RAB8B: variants seen among roughly 807,000 people sequenced by gnomAD.
RAB8B encodes ras-related protein Rab-8B.
RAB8B carries 11 observed loss-of-function variants against 32.0 expected under a neutral mutation model. The observed-to-expected ratio is 0.34, with a 90% CI of 0.22 to 0.57. The LOEUF (loss-of-function observed/expected upper bound fraction) is 0.57. Among genes scored for constraint, RAB8B ranks in the 20% least tolerant of loss-of-function variants. RAB8B has a pLI of 0.86. For synonymous variants in RAB8B, 103 were observed against 89.6 expected, an observed-to-expected ratio of 1.15 and a Z score of -0.85; for missense variants, 190 against 258.5, an observed-to-expected ratio of 0.73 and a Z score of 1.82.
intron 1 of RAB8B, among the ~76,000 whole-genome samples, chr15:63,233,678 A>G (rs1396193720): frequency 6.6e-6 from 1 of 152,258 alleles, no homozygotes; most frequent in African/African-American, 2.4e-5. Flanking sequence ...AGTAGACTTC[A>G]ATATTTGGGA....
chr15:63,206,685 C>G (rs1439861228), intron 1 of RAB8B, among the ~76,000 whole-genome samples: 3 of 152,098 alleles, frequency 2.0e-5, no homozygotes, highest in Non-Finnish European at 4.4e-5. Context: ...TTCTGCTCTA[C>G]TTTCAACCCT....
chr15:63,218,306 G>A (rs1356878857), intron 1 of RAB8B, among the ~76,000 whole-genome samples: 1 of 152,178 alleles, frequency 6.6e-6, no homozygotes, highest in Non-Finnish European at 1.5e-5. Flanking sequence ...ATAGTGATAA[G>A]GAATATTCAG....
chr15:63,196,717 T>C (rs1344042650), intron 1 of RAB8B, among the ~76,000 whole-genome samples: 1 of 152,228 alleles, frequency 6.6e-6, no homozygotes, highest in Admixed American at 6.5e-5. Flanking sequence ...GATTAGATGA[T>C]ATTTGAGTTA....
At chr15:63,245,441 A>C (rs937768087) in intron 2 of RAB8B, among the ~76,000 whole-genome samples, 5 of 152,268 alleles carry the variant, frequency 3.3e-5, no homozygotes, top group African/African-American at 1.2e-4. Flanking sequence ...TACATAGCAC[A>C]GTACTTCTGA....
At chr15:63,207,786 G>A (rs957639728) in intron 1 of RAB8B, among the ~76,000 whole-genome samples, 4 of 152,048 alleles carry the variant, frequency 2.6e-5, no homozygotes, top group African/African-American at 7.2e-5. Flanking sequence ...GGATGGTCTC[G>A]ATCTCCTGAC....
chr15:63,212,113 A>G (rs2037752735), intron 1 of RAB8B, among the ~76,000 whole-genome samples: 1 of 152,186 alleles, frequency 6.6e-6, no homozygotes, highest in African/African-American at 2.4e-5. Flanking sequence ...GATTACAGTC[A>G]TGAGCCACAG....
intron 2 of RAB8B, among the ~76,000 whole-genome samples, chr15:63,247,823 G>T (rs930102071): frequency 5.3e-5 from 8 of 152,170 alleles, no homozygotes; most frequent in Admixed American, 3.9e-4. Context: ...AGGTCCACTC[G>T]AGGGCATATG....
intron 2 of RAB8B, among the ~76,000 whole-genome samples, chr15:63,246,238 C>T (rs2038071243): frequency 1.3e-5 from 2 of 152,122 alleles, no homozygotes; most frequent in African/African-American, 4.8e-5. Context: ...CACGTGAGCT[C>T]AGTTGTGTAA....
chr15:63,216,918 G>A (rs2037797431), intron 1 of RAB8B, among the ~76,000 whole-genome samples: 2 of 151,068 alleles, frequency 1.3e-5, no homozygotes, highest in Non-Finnish European at 1.5e-5. Context: ...TAGTCATAAA[G>A]TGGTATCAGT....
chr15:63,228,656 T>C (rs991165283), intron 1 of RAB8B, among the ~76,000 whole-genome samples: 5 of 152,232 alleles, frequency 3.3e-5, no homozygotes, highest in African/African-American at 9.6e-5. Context: ...TGGTGGATAA[T>C]GATTGCAGTC....
rs1012502599 is a variant in RAB8B, at chr15:63,248,630, C to A, written c.186-1015C>A. ...CTGCAGAACTTGGATGCTGGTAACA[C>A]CCCCAGCCAGTAGCCCACCCTAATG... is the stretch of plus-strand genomic sequence containing the variant. On this transcript the variant is annotated intron_variant, in intron 2 of 7. Transcript: ENST00000321437. The surrounding 1 kb of genome is among the most constrained non-coding windows in gnomAD (Gnocchi z 4.4). 6.6e-6 allele frequency among the ~76,000 whole-genome samples: 1 copy of A among 152,192 alleles called. No individual in the cohort carries two copies. The highest frequency in any genetic ancestry group is 1.5e-5 in the Non-Finnish European group (1 of 68,038).
At chr15:63,246,730 A>T (rs1382661086) in intron 2 of RAB8B, among the ~76,000 whole-genome samples, 2 of 152,100 alleles carry the variant, frequency 1.3e-5, no homozygotes, top group African/African-American at 4.8e-5. Flanking sequence ...GATTAAGTCA[A>T]CCTTTAGCCC....
intron 1 of RAB8B, among the ~76,000 whole-genome samples, chr15:63,213,150 A>G (rs2037761693): frequency 6.6e-6 from 1 of 152,184 alleles, no homozygotes; most frequent in Admixed American, 6.5e-5. Context: ...TTCAGCTTGT[A>G]CACAGATTAA....
At chr15:63,197,175 A>G (rs1490651464) in intron 1 of RAB8B, among the ~76,000 whole-genome samples, 1 of 151,600 alleles carries the variant, frequency 6.6e-6, no homozygotes, top group Non-Finnish European at 1.5e-5. Context: ...ATTTATATAA[A>G]TATTTTTATA....
intron 3 of RAB8B, among the ~76,000 whole-genome samples, chr15:63,250,682 C>G (rs374283211): frequency 1.3e-5 from 2 of 151,630 alleles, no homozygotes; most frequent in Non-Finnish European, 2.9e-5. Flanking sequence ...CTGTGCTTAA[C>G]CATGCTTAGA....
intron 6 of RAB8B, among the ~76,000 whole-genome samples, chr15:63,261,518 TA>T (rs924284696): frequency 3.3e-5 from 5 of 152,018 alleles, no homozygotes; most frequent in South Asian, 2.1e-4. Context: ...TATTCAGCCA[TA>T]AAAAAAGAGT....
At chr15:63,230,092 T>A (rs1023651326) in intron 1 of RAB8B, among the ~76,000 whole-genome samples, 1 of 152,160 alleles carries the variant, frequency 6.6e-6, no homozygotes, top group African/African-American at 2.4e-5. Flanking sequence ...CCTGCATTAC[T>A]CTGTTGGTTG....
At chr15:63,221,873 T>C (rs551467896) in intron 1 of RAB8B, among the ~76,000 whole-genome samples, 3 of 152,366 alleles carry the variant, frequency 2.0e-5, no homozygotes, top group Admixed American at 2.0e-4. Flanking sequence ...CTACTTGATG[T>C]TTGTGGAGGC....
rs536503806 is a variant in RAB8B at position 63,194,936 on chromosome 15, A to G, written c.124+5188A>G. On this transcript the variant is annotated intron_variant, in intron 1 of 7. Coordinates refer to ENST00000321437, the MANE Select transcript of RAB8B (RefSeq NM_016530.3). ...TTTGCTGACCGTTACTTAAAATTAAAAACTATTTTTGGTTGGTAGCATTTC... is the reference window on the plus strand; with the variant it reads ...TTTGCTGACCGTTACTTAAAATTAAGAACTATTTTTGGTTGGTAGCATTTC... Among the ~76,000 whole-genome samples, 6 of 152,366 alleles carry G rather than the reference A, an allele frequency of 3.9e-5. No homozygotes were observed. In the South Asian group the frequency reaches 1.2e-3, roughly 32 times the overall value.
Sources: allele counts gnomAD v4.1 joint callset (sites outside exome capture counted in the v4.1 genomes callset), GRCh38; gene constraint gnomAD v4.1.1; non-coding constraint Gnocchi (gnomAD v3.1); transcripts MANE v1.5; gene names NCBI Gene and HGNC (gene_info 2026-07-23, HGNC 2026-07-21).